The following ZMAT4 variants were observed in gnomAD, a reference collection of about 807,000 sequenced individuals.
ZMAT4 encodes the protein zinc finger matrin-type 4.
Under a neutral mutation model 28.7 loss-of-function variants are expected in ZMAT4, and 17 were observed. The ratio of observed to expected loss-of-function variants is 0.59; its 90% CI spans 0.41 to 0.89. ZMAT4 has a LOEUF of 0.89. ZMAT4 is among the 40% of genes least tolerant of loss of function. The pLI is 0.00. For missense variants in ZMAT4, 240 were observed against 283.8 expected (o/e 0.85, Z 1.11); for synonymous variants, 117 against 109.2 (o/e 1.07, Z -0.44).
chr8:40,653,406 A>G (rs1357865440), intron 5 of ZMAT4, among the ~76,000 whole-genome samples: 1 of 152,060 alleles, frequency 6.6e-6, no homozygotes, highest in Non-Finnish European at 1.5e-5. Flanking sequence ...GAAATAATAC[A>G]TTAGAATAGA....
chr8:40,862,525 C>A (rs1817531984), intron 1 of ZMAT4, among the ~76,000 whole-genome samples: 1 of 133,030 alleles, frequency 7.5e-6, no homozygotes, highest in Non-Finnish European at 1.6e-5. Flanking sequence ...ACATATGTAA[C>A]TAACCTGCAC....
chr8:40,618,522 A>G (rs572147078), intron 5 of ZMAT4, among the ~76,000 whole-genome samples: 1 of 152,338 alleles, frequency 6.6e-6, no homozygotes, highest in South Asian at 2.1e-4. Flanking sequence ...TTGACAGAAA[A>G]TCAGGTAGTA....
chr8:40,778,368 C>T (rs1813692282), intron 2 of ZMAT4, among the ~76,000 whole-genome samples: 2 of 152,168 alleles, frequency 1.3e-5, no homozygotes, highest in Admixed American at 1.3e-4. Flanking sequence ...AAATAATGTG[C>T]ACAGAACAGC....
intron 2 of ZMAT4, among the ~76,000 whole-genome samples, chr8:40,771,852 T>C (rs764125159): frequency 1.3e-5 from 2 of 152,148 alleles, no homozygotes; most frequent in Non-Finnish European, 2.9e-5. Context: ...GTCATCCAAA[T>C]AAACACAAGC....
chr8:40,865,540 A>G (rs538300151), intron 1 of ZMAT4, among the ~76,000 whole-genome samples: 6 of 152,174 alleles, frequency 3.9e-5, no homozygotes, highest in Non-Finnish European at 7.3e-5. Flanking sequence ...AGGATGGACA[A>G]TGACCATCAA....
At chr8:40,813,536 A>G (rs748885435) in intron 2 of ZMAT4, among the ~76,000 whole-genome samples, 2 of 152,278 alleles carry the variant, frequency 1.3e-5, no homozygotes, top group Non-Finnish European at 2.9e-5. Flanking sequence ...CAAAGGAAGC[A>G]TGAACCTTTC....
chr8:40,775,638 A>G (rs928808357), intron 2 of ZMAT4, among the ~76,000 whole-genome samples: 2 of 152,156 alleles, frequency 1.3e-5, no homozygotes, highest in Non-Finnish European at 2.9e-5. Flanking sequence ...TCAGGGATCC[A>G]CTAGATACTA....
intron 1 of ZMAT4, among the ~76,000 whole-genome samples, chr8:40,831,400 G>GGA (rs1288491034): frequency 1.3e-5 from 2 of 152,180 alleles, no homozygotes; most frequent in Non-Finnish European, 2.9e-5. Context: ...GGATGCAAAG[G>GGA]GAGAAGCATG....
chr8:40,716,847 G>C (rs1174856079), intron 3 of ZMAT4, among the ~76,000 whole-genome samples: 1 of 152,146 alleles, frequency 6.6e-6, no homozygotes, highest in African/African-American at 2.4e-5. Flanking sequence ...TTTTTACTTT[G>C]TTAGCTGGTC....
At chr8:40,734,168 C>A (rs1175258740) in intron 3 of ZMAT4, among the ~76,000 whole-genome samples, 1 of 152,148 alleles carries the variant, frequency 6.6e-6, no homozygotes, top group Non-Finnish European at 1.5e-5. Context: ...TCTCAATAGG[C>A]ACACGTTTGG....
At chr8:40,786,436 A>T (rs1814086027) in intron 2 of ZMAT4, among the ~76,000 whole-genome samples, 1 of 127,278 alleles carries the variant, frequency 7.9e-6, no homozygotes, top group Admixed American at 8.0e-5. Flanking sequence ...AATAGTACAC[A>T]GAAGTACATG....
At chr8:40,591,010 T>C (rs913144392) in intron 5 of ZMAT4, among the ~76,000 whole-genome samples, 9 of 152,084 alleles carry the variant, frequency 5.9e-5, no homozygotes, top group Non-Finnish European at 1.3e-4. Context: ...CCCCAGCTGA[T>C]AGGGAGAGGT....
chr8:40,585,214 G>T (rs1804627440), intron 5 of ZMAT4, among the ~76,000 whole-genome samples: 2 of 152,256 alleles, frequency 1.3e-5, no homozygotes, highest in South Asian at 4.1e-4. Flanking sequence ...TTAATTATGA[G>T]AAAAGAACAA....
intron 4 of ZMAT4, among the ~76,000 whole-genome samples, chr8:40,695,976 TG>T (rs1809869248): frequency 6.6e-6 from 1 of 152,126 alleles, no homozygotes; most frequent in South Asian, 2.1e-4. Context: ...TTCCAGTGAC[TG>T]TTTTTTTGAG....
chr8:40,625,715 ACACCAGG>A (rs1806349826), intron 5 of ZMAT4, among the ~76,000 whole-genome samples: 1 of 152,274 alleles, frequency 6.6e-6, no homozygotes, highest in South Asian at 2.1e-4. Flanking sequence ...TATTTAGTAG[ACACCAGG>A]CACAGATGTA....
intron 5 of ZMAT4, among the ~76,000 whole-genome samples, chr8:40,596,164 C>T (rs1167607104): frequency 6.6e-6 from 1 of 152,082 alleles, no homozygotes; most frequent in African/African-American, 2.4e-5. Flanking sequence ...GGGGCACCTA[C>T]TGTAATTGAA....
At chr8:40,739,251 A>G (rs1244926088) in intron 3 of ZMAT4, among the ~76,000 whole-genome samples, 2 of 152,226 alleles carry the variant, frequency 1.3e-5, no homozygotes, top group Non-Finnish European at 1.5e-5. Context: ...AGTCACGGCA[A>G]CAGAAGAAAC....
At chr8:40,825,820 G>A (rs931918864) in intron 1 of ZMAT4, 140 bp from the exon 2 acceptor site, 18 of 609,340 alleles carry the variant, frequency 3.0e-5, no homozygotes, top group African/African-American at 1.9e-4. Flanking sequence ...CACTCTTGAC[G>A]TTATCATATC....
chr8:40,547,523 G>A (rs566708900), intron 6 of ZMAT4, among the ~76,000 whole-genome samples: 2 of 152,088 alleles, frequency 1.3e-5, no homozygotes, highest in African/African-American at 2.4e-5. Flanking sequence ...ATGTGACTTG[G>A]GCAAATTACT....
Sources: allele counts gnomAD v4.1 joint callset (sites outside exome capture counted in the v4.1 genomes callset), GRCh38; gene constraint gnomAD v4.1.1; transcripts MANE v1.5; gene names NCBI Gene and HGNC (gene_info 2026-07-23, HGNC 2026-07-21).